CFTR: variants seen among roughly 807,000 people sequenced by gnomAD.
CFTR encodes CF transmembrane conductance regulator, also known as cystic fibrosis transmembrane conductance regulator.
A neutral mutation model predicts 171.6 loss-of-function variants in CFTR; 181 were observed. The observed-to-expected ratio is 1.05, with a 90% CI of 0.93 to 1.19. The LOEUF (loss-of-function observed/expected upper bound fraction) is 1.19. Ranked by LOEUF, CFTR falls within the 50% of genes most tolerant of loss-of-function variation. CFTR has a pLI of 0.00. For synonymous variants in CFTR, 583 were observed against 608.0 expected (o/e 0.96, Z 0.60); for missense variants, 1,968 against 1,734.7 (o/e 1.13, Z -2.39).
intron 15 of CFTR, among the ~76,000 whole-genome samples, chr7:117,600,058 T>C (rs1792199377): frequency 6.6e-6 from 1 of 152,034 alleles, no homozygotes; most frequent in Non-Finnish European, 1.5e-5. Context: ...TTTTATAGGT[T>C]AGGTAAAATA....
chr7:117,539,630 TC>T (rs1245114125), intron 7 of CFTR, among the ~76,000 whole-genome samples: 1 of 152,048 alleles, frequency 6.6e-6, no homozygotes, highest in East Asian at 1.9e-4. Context: ...GTGTTAAGAA[TC>T]CATTAGACAA....
chr7:117,652,134 C>T (rs956526477), intron 23 of CFTR, among the ~76,000 whole-genome samples: 5 of 152,098 alleles, frequency 3.3e-5, no homozygotes, highest in South Asian at 2.1e-4. Flanking sequence ...ATTAAGTAGA[C>T]GGTGATCTGG....
intron 9 of CFTR, among the ~76,000 whole-genome samples, chr7:117,544,080 C>G (rs979165418): frequency 2.6e-4 from 40 of 152,206 alleles, no homozygotes; most frequent in African/African-American, 7.7e-4. Flanking sequence ...TTAATTCTTC[C>G]TTTTGAACTC....
chr7:117,540,047 A>T, intron 7 of CFTR, 53 bp from the exon 8 acceptor site: 14 of 1,477,734 alleles, frequency 9.5e-6, no homozygotes, highest in Non-Finnish European at 1.1e-5. Context: ...AAGATCCCTG[A>T]TATTTGAAAA....
rs537065759 is a variant in CFTR at position 117,597,330 on chromosome 7, G to C, written c.2619+2272G>C. On this transcript the variant is annotated intron_variant, in intron 15 of 26. Transcript: ENST00000003084. ...TAAGAACTATAACACTCACTGCAAG[G>C]GTCCTTGGCTTCATTCTCGAAGTCA... Among the ~76,000 whole-genome samples, 10 of 152,174 alleles carry C rather than the reference G, an allele frequency of 6.6e-5. No homozygotes were observed. The East Asian group carries it at 1.4e-3, about 21-fold the overall frequency.
intron 1 of CFTR, among the ~76,000 whole-genome samples, chr7:117,499,462 T>TGTGTGTGTGTGTGTG (rs1554375131): frequency 2.0e-5 from 3 of 149,268 alleles, no homozygotes; most frequent in African/African-American, 5.0e-5. Context: ...TGTGTGTGTG[T>TGTGTGTGTGTGTGTG]TTAAAAAATC....
intron 24 of CFTR, among the ~76,000 whole-genome samples, chr7:117,656,837 A>C (rs184823024): frequency 3.0e-4 from 45 of 152,254 alleles, no homozygotes; most frequent in African/African-American, 1.1e-3. Flanking sequence ...TGTTTATCCC[A>C]AATGTTCTTC....
At chr7:117,524,298 T>A (rs1222116719) in intron 3 of CFTR, among the ~76,000 whole-genome samples, 1 of 152,032 alleles carries the variant, frequency 6.6e-6, no homozygotes, top group Middle Eastern at 3.4e-3. Flanking sequence ...CATGATCACA[T>A]GTGATACTTC....
At chr7:117,624,432 T>C (rs1792622445) in intron 21 of CFTR, among the ~76,000 whole-genome samples, 1 of 152,146 alleles carries the variant, frequency 6.6e-6, no homozygotes, top group Non-Finnish European at 1.5e-5. Context: ...AAGATTCAAA[T>C]CTGAAGCTAT....
chr7:117,544,024 A>G (rs1275308937), intron 9 of CFTR, among the ~76,000 whole-genome samples: 1 of 152,132 alleles, frequency 6.6e-6, no homozygotes, highest in African/African-American at 2.4e-5. Context: ...GAGTCTTTTA[A>G]TTCTACATTT....
chr7:117,536,560 T>A lies in CFTR; in HGVS notation c.756T>A (p.Ala252=). 6.3e-7 allele frequency: 1 copy of A among 1,593,350 alleles called. No individual in the cohort carries two copies. ...RMMMKYRDQR[A]GKISERLVIT... is the part of the protein sequence containing the mutation. ...GATTGATTTACAGAGATCAGAGAGC[T>A]GGGAAGATCAGTGAAAGACTTGTGA... Residue 252 remains alanine (A), a synonymous_variant, in exon 7 of 27, where the codon GCT becomes GCA. Transcript: ENST00000003084.
At chr7:117,549,814 A>G (rs1799238046) in intron 10 of CFTR, among the ~76,000 whole-genome samples, 1 of 152,138 alleles carries the variant, frequency 6.6e-6, no homozygotes, top group East Asian at 1.9e-4. Flanking sequence ...GGAAGAAAGA[A>G]GGAAATGAGG....
intron 1 of CFTR, among the ~76,000 whole-genome samples, chr7:117,487,195 G>A (rs538060664): frequency 3.2e-4 from 49 of 152,200 alleles, no homozygotes; most frequent in African/African-American, 1.1e-3. Context: ...ATGTATTAAA[G>A]TGATTTAGAG....
chr7:117,661,859 G>A (rs1793292527), intron 24 of CFTR, among the ~76,000 whole-genome samples: 1 of 151,458 alleles, frequency 6.6e-6, no homozygotes, highest in Admixed American at 6.6e-5. Flanking sequence ...AGATAAATGA[G>A]ACTTAAAATA....
intron 23 of CFTR, among the ~76,000 whole-genome samples, chr7:117,651,518 G>A (rs1235743307): frequency 6.6e-6 from 1 of 152,050 alleles, no homozygotes; most frequent in Non-Finnish European, 1.5e-5. Context: ...TTTGGAAGTG[G>A]ATACACAAAC....
At chr7:117,576,124 C>A (rs1261924816) in intron 11 of CFTR, among the ~76,000 whole-genome samples, 1 of 151,924 alleles carries the variant, frequency 6.6e-6, no homozygotes, top group Non-Finnish European at 1.5e-5. Context: ...AGCCATTTGT[C>A]CCAAGATAAT....
In CFTR at chr7:117,643,452, TG is replaced by T. The variant is rs1376699839; in HGVS notation, c.3873+860del. ...AGGTAGACTGACTATAAATCTAGAC[TG>T]AAAAAAAAGCTTGTATTTCTTAACA... On this transcript the variant is annotated intron_variant, in intron 23 of 26. Transcript: ENST00000003084. 1.2e-4 allele frequency among the ~76,000 whole-genome samples: 18 copies of T among 152,166 alleles called. No homozygotes were observed. The East Asian group carries it at 3.5e-3, about 29-fold the overall frequency.
At chr7:117,660,679 T>G (rs1178242414) in intron 24 of CFTR, among the ~76,000 whole-genome samples, 1 of 151,658 alleles carries the variant, frequency 6.6e-6, no homozygotes, top group Non-Finnish European at 1.5e-5. Flanking sequence ...TGTGTGTGTG[T>G]GTGTGTGTGT....
intron 22 of CFTR, among the ~76,000 whole-genome samples, chr7:117,628,383 A>G (rs1173545076): frequency 1.3e-5 from 2 of 152,176 alleles, no homozygotes; most frequent in East Asian, 3.8e-4. Context: ...GGAGACAGGG[A>G]TGGTCATTAT....
Sources: allele counts gnomAD v4.1 joint callset (sites outside exome capture counted in the v4.1 genomes callset), GRCh38; gene constraint gnomAD v4.1.1; transcripts MANE v1.5; gene names NCBI Gene and HGNC (gene_info 2026-07-23, HGNC 2026-07-21).